The following COL4A6 variants were observed in gnomAD, a reference collection of about 807,000 sequenced individuals.
The protein encoded by COL4A6 is collagen alpha-6(IV) chain.
Under a neutral mutation model 126.7 loss-of-function variants are expected in COL4A6, and 59 were observed. That is an observed-to-expected ratio of 0.47 (90% CI 0.38 to 0.58). The LOEUF is 0.58. Among genes scored for constraint, COL4A6 ranks in the 20% least tolerant of loss-of-function variants. COL4A6 has a pLI of 0.00. For synonymous variants in COL4A6, 547 were observed against 496.6 expected (o/e 1.10, Z -1.35); for missense variants, 1,285 against 1,337.3 (o/e 0.96, Z 0.61).
At chrX:108,341,333 C>T (rs192545537) in intron 2 of COL4A6, among the ~76,000 whole-genome samples, 345 of 111,160 alleles carry the variant, frequency 3.1e-3, no homozygotes, top group African/African-American at 0.011. Flanking sequence ...TTGGCTGTGT[C>T]CCCATCCAAA....
intron 2 of COL4A6, among the ~76,000 whole-genome samples, chrX:108,344,952 G>A (rs2039672964): frequency 8.9e-6 from 1 of 111,788 alleles, no homozygotes; most frequent in South Asian, 3.8e-4. Flanking sequence ...ACCATGGGTG[G>A]GGGATGAATG....
chrX:108,243,740 A>T (rs2036638299), intron 3 of COL4A6, among the ~76,000 whole-genome samples: 1 of 111,821 alleles, frequency 8.9e-6, no homozygotes. Flanking sequence ...TGCAATGTCA[A>T]AGATGCATCA....
chrX:108,167,715 G>A (rs1431295219), intron 37 of COL4A6, among the ~76,000 whole-genome samples: 1 of 111,169 alleles, frequency 9.0e-6, no homozygotes, highest in Non-Finnish European at 1.9e-5. Flanking sequence ...TTCCTGTGGG[G>A]GTGGGGTGGG....
intron 13 of COL4A6, among the ~76,000 whole-genome samples, chrX:108,200,987 A>G (rs1258667527): frequency 8.9e-6 from 1 of 112,280 alleles, no homozygotes; most frequent in African/African-American, 3.2e-5. Context: ...CTGGGTCTAA[A>G]GTTTGGGTGT....
At chrX:108,238,151 G>A (rs1168725638) in intron 3 of COL4A6, among the ~76,000 whole-genome samples, 2 of 102,846 alleles carry the variant, frequency 1.9e-5, no homozygotes, top group Non-Finnish European at 3.9e-5. Context: ...CTGTCACCCA[G>A]GCTGGAGTGC....
At chrX:108,280,763 G>C (rs1228398546) in intron 3 of COL4A6, among the ~76,000 whole-genome samples, 1 of 111,094 alleles carries the variant, frequency 9.0e-6, no homozygotes, top group Non-Finnish European at 1.9e-5. Flanking sequence ...CTGGCAAACC[G>C]AATCCAGCAG....
intron 3 of COL4A6, among the ~76,000 whole-genome samples, chrX:108,237,649 A>G (rs749763994): frequency 2.7e-5 from 3 of 111,987 alleles, no homozygotes; most frequent in Non-Finnish European, 3.8e-5. Flanking sequence ...AGCTATAAAG[A>G]GCCAAGTTAA....
At chrX:108,406,265 C>G in intron 2 of COL4A6, among the ~76,000 whole-genome samples, 1 of 112,153 alleles carries the variant, frequency 8.9e-6, no homozygotes, top group Non-Finnish European at 1.9e-5. Flanking sequence ...GCCAGCGCAC[C>G]AAGCCCATGA....
intron 3 of COL4A6, among the ~76,000 whole-genome samples, chrX:108,235,853 GA>G (rs1454284204): frequency 1.8e-5 from 2 of 110,520 alleles, no homozygotes; most frequent in Non-Finnish European, 3.8e-5. Context: ...GAGGAGGGGG[GA>G]AGTGGCAGTC....
chrX:108,378,624 G>A (rs1603192000), intron 2 of COL4A6, among the ~76,000 whole-genome samples: 2 of 112,454 alleles, frequency 1.8e-5, no homozygotes, highest in South Asian at 3.7e-4. Context: ...TGAAATACGG[G>A]TAGGATTCTT....
At chrX:108,196,644 A>G in intron 13 of COL4A6, 65 bp from the exon 14 acceptor site, 8 of 940,380 alleles carry the variant, frequency 8.5e-6, no homozygotes, top group Middle Eastern at 5.3e-4. Context: ...GGCTTCATCC[A>G]AAGCAAGGAG....
intron 2 of COL4A6, among the ~76,000 whole-genome samples, chrX:108,358,557 G>A (rs2040008167): frequency 9.1e-6 from 1 of 110,240 alleles, no homozygotes; most frequent in Non-Finnish European, 1.9e-5. Flanking sequence ...ACTGCACCTG[G>A]CTAATTTTTG....
intron 2 of COL4A6, among the ~76,000 whole-genome samples, chrX:108,347,714 C>A (rs963142448): frequency 9.0e-6 from 1 of 110,643 alleles, no homozygotes; most frequent in South Asian, 3.9e-4. Flanking sequence ...GTAAATTTTT[C>A]TAGGGTATTG....
intron 2 of COL4A6, among the ~76,000 whole-genome samples, chrX:108,335,338 G>A (rs2039404994): frequency 9.0e-6 from 1 of 111,726 alleles, no homozygotes; most frequent in Admixed American, 9.5e-5. Context: ...TTATATTCTT[G>A]GTTTACAGAT....
intron 28 of COL4A6, among the ~76,000 whole-genome samples, chrX:108,176,475 C>T (rs183622002): frequency 2.8e-3 from 316 of 111,095 alleles, no homozygotes; most frequent in Middle Eastern, 9.3e-3. Context: ...CTCACTTTCC[C>T]TTTTTTTAAA....
intron 3 of COL4A6, among the ~76,000 whole-genome samples, chrX:108,234,533 A>T (rs764540414): frequency 8.9e-6 from 1 of 112,161 alleles, no homozygotes; most frequent in Admixed American, 9.4e-5. Flanking sequence ...TTTAGAGATA[A>T]ATCAGGCAAT....
At chrX:108,418,622 G>T (rs1308966938) in intron 2 of COL4A6, among the ~76,000 whole-genome samples, 1 of 112,047 alleles carries the variant, frequency 8.9e-6, no homozygotes, top group Non-Finnish European at 1.9e-5. Context: ...TGCACTAATG[G>T]CCATTGTCCT....
chrX:108,404,148 T>A (rs189376624), intron 2 of COL4A6, among the ~76,000 whole-genome samples: 4 of 111,968 alleles, frequency 3.6e-5, no homozygotes, highest in African/African-American at 1.3e-4. Context: ...AAATAAATTG[T>A]TGCCTTTTGT....
intron 3 of COL4A6, among the ~76,000 whole-genome samples, chrX:108,233,427 G>T (rs1438840101): frequency 9.0e-6 from 1 of 111,467 alleles, no homozygotes; most frequent in East Asian, 2.8e-4. Flanking sequence ...GGAGTGAGAG[G>T]TAACTGGGAG....
Sources: allele counts gnomAD v4.1 joint callset (sites outside exome capture counted in the v4.1 genomes callset), GRCh38; gene constraint gnomAD v4.1.1; transcripts MANE v1.5; gene names NCBI Gene and HGNC (gene_info 2026-07-23, HGNC 2026-07-21).